The following NOS1AP variants were observed in gnomAD, a reference collection of about 807,000 sequenced individuals.
NOS1AP encodes nitric oxide synthase 1 adaptor protein.
A neutral mutation model predicts 56.2 loss-of-function variants in NOS1AP; 21 were observed. The ratio of observed to expected loss-of-function variants is 0.37; its 90% confidence interval spans 0.26 to 0.54. The LOEUF (loss-of-function observed/expected upper bound fraction) is 0.54. Among genes scored for constraint, NOS1AP ranks in the 20% least tolerant of loss-of-function variants. The pLI is 0.84. For missense variants in NOS1AP, 522 were observed against 657.8 expected (o/e 0.79, Z 2.26); for synonymous variants, 270 against 274.6 (o/e 0.98, Z 0.17).
chr1:162,198,724 T>C (rs1480855524), intron 2 of NOS1AP, among the ~76,000 whole-genome samples: 1 of 152,124 alleles, frequency 6.6e-6, no homozygotes, highest in African/African-American at 2.4e-5. Flanking sequence ...AGCCTGGTAT[T>C]TGTGGAGAGC....
At chr1:162,081,774 A>ATTTTTTTTTTTTTTTTTTTTTTT in intron 1 of NOS1AP, among the ~76,000 whole-genome samples, 1 of 44,056 alleles carries the variant, frequency 2.3e-5, no homozygotes, top group African/African-American at 7.6e-5. Flanking sequence ...ATATATATAT[A>ATTTTTTTTTTTTTTTTTTTTTTT]TTTTTTTTTT....
chr1:162,146,464 G>T (rs1291291547), intron 1 of NOS1AP, among the ~76,000 whole-genome samples: 2 of 152,038 alleles, frequency 1.3e-5, no homozygotes, highest in Admixed American at 6.5e-5. Flanking sequence ...CCTCCTGCCT[G>T]CCCTCTCTTT....
chr1:162,248,924 C>T (rs765586002), intron 2 of NOS1AP, among the ~76,000 whole-genome samples: 1 of 152,152 alleles, frequency 6.6e-6, no homozygotes, highest in Non-Finnish European at 1.5e-5. Context: ...CAGCACCCCC[C>T]CCTTTCCTTT....
At chr1:162,175,973 C>A (rs759527938) in intron 2 of NOS1AP, among the ~76,000 whole-genome samples, 3 of 152,160 alleles carry the variant, frequency 2.0e-5, no homozygotes, top group Non-Finnish European at 4.4e-5. Context: ...AATTTTTCAG[C>A]TCTAGTACAG....
intron 2 of NOS1AP, among the ~76,000 whole-genome samples, chr1:162,236,774 A>G (rs1370036756): frequency 2.0e-5 from 3 of 152,146 alleles, no homozygotes; most frequent in Admixed American, 6.5e-5. Context: ...CATAGTTCAC[A>G]GGCCAGTCCA....
At chr1:162,151,075 T>C (rs1285280178) in intron 1 of NOS1AP, among the ~76,000 whole-genome samples, 1 of 152,252 alleles carries the variant, frequency 6.6e-6, no homozygotes, top group African/African-American at 2.4e-5. Flanking sequence ...CATTTTCTTT[T>C]AACAGTTTCA....
chr1:162,314,766 A>G (rs1272969694), intron 4 of NOS1AP, among the ~76,000 whole-genome samples: 1 of 152,200 alleles, frequency 6.6e-6, no homozygotes, highest in Non-Finnish European at 1.5e-5. Flanking sequence ...AGGAGAATTC[A>G]TGTACCCCAG....
intron 3 of NOS1AP, among the ~76,000 whole-genome samples, chr1:162,293,731 A>G (rs998826997): frequency 1.3e-4 from 20 of 152,216 alleles, no homozygotes; most frequent in African/African-American, 4.3e-4. Flanking sequence ...ACAGTGAAAG[A>G]CTGATTTCAT....
At chr1:162,344,022 A>C (rs1333344774) in intron 6 of NOS1AP, 46 bp downstream of exon 6, 4 of 1,608,628 alleles carry the variant, frequency 2.5e-6, no homozygotes, top group Non-Finnish European at 3.4e-6. Flanking sequence ...GGCAGTGCAC[A>C]CAGTAGGCTC....
At chr1:162,365,224 C>A (rs1658038723) in intron 8 of NOS1AP, 180 bp from the exon 9 acceptor site, 12 of 1,462,342 alleles carry the variant, frequency 8.2e-6, no homozygotes, top group Non-Finnish European at 9.0e-7. Flanking sequence ...GAACCCACTC[C>A]TTTTGGCTCC....
intron 2 of NOS1AP, among the ~76,000 whole-genome samples, chr1:162,247,781 T>G (rs1186831302): frequency 3.3e-5 from 5 of 152,178 alleles, no homozygotes; most frequent in Admixed American, 3.3e-4. Flanking sequence ...GAAATGTAAC[T>G]TGCCAACACT....
chr1:162,074,341 A>T, intron 1 of NOS1AP, among the ~76,000 whole-genome samples: 1 of 152,128 alleles, frequency 6.6e-6, no homozygotes, highest in East Asian at 1.9e-4. Flanking sequence ...TCCAAGGCTC[A>T]CTCAAACCTG....
intron 1 of NOS1AP, among the ~76,000 whole-genome samples, chr1:162,128,576 ACTC>A (rs1031737544): frequency 1.8e-4 from 27 of 152,072 alleles, no homozygotes; most frequent in African/African-American, 5.1e-4. Flanking sequence ...CTTAACAAAA[ACTC>A]CTCAAAAAAA....
intron 2 of NOS1AP, among the ~76,000 whole-genome samples, chr1:162,261,502 G>GA (rs772854187): frequency 0.28 from 1,945 of 6,908 alleles, 718 homozygotes; most frequent in African/African-American, 0.57. Context: ...GAGAGAGAGA[G>GA]AGAGAGAGAG....
At chr1:162,233,269 A>G (rs1653183310) in intron 2 of NOS1AP, among the ~76,000 whole-genome samples, 1 of 152,174 alleles carries the variant, frequency 6.6e-6, no homozygotes, top group African/African-American at 2.4e-5. Flanking sequence ...CAAAGCAAAC[A>G]GAGCTTGCTA....
chr1:162,176,505 C>CTTTTTTT (rs34280743), intron 2 of NOS1AP, among the ~76,000 whole-genome samples: 55 of 87,464 alleles, frequency 6.3e-4, no homozygotes, highest in Non-Finnish European at 9.0e-4. Context: ...CATAATAGCT[C>CTTTTTTT]TTTTTTTTTT....
intron 8 of NOS1AP, among the ~76,000 whole-genome samples, chr1:162,359,570 T>C (rs545966503): frequency 3.3e-5 from 5 of 152,350 alleles, no homozygotes; most frequent in East Asian, 1.9e-4. Context: ...ACTTTCTTTG[T>C]AGTGTTTAAT....
At chr1:162,328,523 C>A (rs1184703546) in intron 4 of NOS1AP, among the ~76,000 whole-genome samples, 2 of 152,138 alleles carry the variant, frequency 1.3e-5, no homozygotes, top group Non-Finnish European at 2.9e-5. Context: ...ATTTATTAAC[C>A]ATTTGCTGTA....
At chr1:162,326,357 G>C (rs1656590580) in intron 4 of NOS1AP, among the ~76,000 whole-genome samples, 1 of 152,202 alleles carries the variant, frequency 6.6e-6, no homozygotes, top group Admixed American at 6.5e-5. Context: ...AGTCCCCATG[G>C]AGATGAGGGG....
Sources: allele counts gnomAD v4.1 joint callset (sites outside exome capture counted in the v4.1 genomes callset), GRCh38; gene constraint gnomAD v4.1.1; transcripts MANE v1.5; gene names NCBI Gene and HGNC (gene_info 2026-07-23, HGNC 2026-07-21).